RPRD1B: variants seen among roughly 807,000 people sequenced by gnomAD.
RPRD1B encodes the protein regulation of nuclear pre-mRNA domain containing 1B, also known as regulation of nuclear pre-mRNA domain-containing protein 1B.
A neutral mutation model predicts 41.5 loss-of-function variants in RPRD1B; 11 were observed. The observed-to-expected ratio is 0.27, with a 90% CI of 0.17 to 0.44. RPRD1B has a LOEUF of 0.44. RPRD1B is among the 20% of genes least tolerant of loss of function. The pLI is 1.00. For missense variants in RPRD1B, 248 were observed against 389.9 expected, an observed-to-expected ratio of 0.64 and a Z score of 3.06; for synonymous variants, 158 against 155.6, an observed-to-expected ratio of 1.02 and a Z score of -0.12.
intron 5 of RPRD1B, among the ~76,000 whole-genome samples, chr20:38,063,087 C>T (rs2074316791): frequency 6.6e-6 from 1 of 152,072 alleles, no homozygotes; most frequent in African/African-American, 2.4e-5. Flanking sequence ...GGGCTCCTTG[C>T]CAGTCACTCT....
chr20:38,065,287 GT>G (rs1347142618), intron 5 of RPRD1B, among the ~76,000 whole-genome samples: 1 of 151,996 alleles, frequency 6.6e-6, no homozygotes, highest in East Asian at 1.9e-4. Flanking sequence ...CTGTCATGTA[GT>G]TTTTTTTCTG....
chr20:38,034,756 C>T lies in RPRD1B; in HGVS notation c.151+658C>T, dbSNP rs1386592023. ...CTCCTCTCCTCTCTCATGCAGTTGT[C>T]ATTGATTTCAGGCCCTGCTCAGGTT... On this transcript the variant is annotated intron_variant, in intron 1 of 6. Transcript: ENST00000373433. 5.3e-5 allele frequency among the ~76,000 whole-genome samples: 8 copies of T among 152,186 alleles called. No individual in the cohort carries two copies. In the East Asian group the frequency reaches 1.5e-3, roughly 29 times the overall value.
intron 6 of RPRD1B, among the ~76,000 whole-genome samples, chr20:38,067,970 C>T (rs1394770208): frequency 1.3e-5 from 2 of 152,226 alleles, no homozygotes; most frequent in African/African-American, 4.8e-5. Context: ...TGGCAAGCAA[C>T]CATAGAGGAC....
At chr20:38,058,590 T>G (rs575222783) in intron 4 of RPRD1B, among the ~76,000 whole-genome samples, 5 of 152,378 alleles carry the variant, frequency 3.3e-5, no homozygotes, top group African/African-American at 1.2e-4. Context: ...TTTACTTTTC[T>G]TGTTTTTTCC....
Position 38,089,747 on chromosome 20 carries a change from C to T in RPRD1B, c.853C>T (p.Arg285Ter). The T allele has an allele frequency of 6.2e-7, 1 of 1,614,058 alleles. No homozygotes were observed. Among genetic ancestry groups the T allele is most frequent in the Non-Finnish European group, 8.5e-7 (1 of 1,179,978 alleles). Reference protein sequence around the residue: ...KLEEYKQKLARVTQVRKELKS... With the variant: ...KLEEYKQKLA ...TTAGGAATACAAACAGAAGCTTGCA[C>T]GAGTAACCCAGGTCCGCAAGGAACT... The change falls in exon 7 of 7, where the codon CGA becomes TGA. Residue 285 changes from arginine (R) to a stop codon, truncating the protein, a stop_gained. Coordinates refer to ENST00000373433, the MANE Select transcript of RPRD1B (RefSeq NM_021215.4). LOFTEE classifies it high-confidence loss of function.
chr20:38,090,256 G>C lies in RPRD1B; in HGVS notation c.*381G>C. Reference sequence around the variant, plus strand: ...ATGACAGCATTTTATCATGAAAGCAGCTTCTCCTTTCTGGGCTGGGCTTGT... The same window carrying C: ...ATGACAGCATTTTATCATGAAAGCACCTTCTCCTTTCTGGGCTGGGCTTGT... On this transcript the variant is annotated 3_prime_UTR_variant, in exon 7 of 7. Coordinates refer to ENST00000373433, the MANE Select transcript of RPRD1B (RefSeq NM_021215.4). 1.0e-6 allele frequency: 1 copy of C among 991,930 alleles called. No homozygotes were observed. The highest frequency in any genetic ancestry group is 4.6e-5 in the South Asian group (1 of 21,642). 61.4% of individuals were successfully genotyped at this position (991,930 alleles called of 1,614,324 possible).
intron 6 of RPRD1B, among the ~76,000 whole-genome samples, chr20:38,067,060 G>A (rs2074365196): frequency 6.6e-6 from 1 of 152,156 alleles, no homozygotes; most frequent in African/African-American, 2.4e-5. Flanking sequence ...TATTTATATA[G>A]CACAGTTCTC....
At chr20:38,062,240 G>A (rs2122729874) in intron 5 of RPRD1B, among the ~76,000 whole-genome samples, 1 of 152,206 alleles carries the variant, frequency 6.6e-6, no homozygotes, top group African/African-American at 2.4e-5. Context: ...TGTCTTTTCA[G>A]CCTCCTTGCT....
At chr20:38,063,170 T>C (rs1034985761) in intron 5 of RPRD1B, among the ~76,000 whole-genome samples, 35 of 152,044 alleles carry the variant, frequency 2.3e-4, no homozygotes, top group African/African-American at 8.2e-4. Flanking sequence ...CATAGCTGGT[T>C]CTCATTTTCT....
chr20:38,082,293 T>G (rs555092028), intron 6 of RPRD1B, among the ~76,000 whole-genome samples: 4 of 152,326 alleles, frequency 2.6e-5, no homozygotes, highest in South Asian at 2.1e-4. Context: ...TCTCGGGAGA[T>G]TCCGTGTTTC....
At chr20:38,040,126 A>G (rs1185574032) in intron 1 of RPRD1B, among the ~76,000 whole-genome samples, 4 of 152,228 alleles carry the variant, frequency 2.6e-5, no homozygotes, top group African/African-American at 9.6e-5. Context: ...CCTAGTTTCA[A>G]CATTAACACT....
chr20:38,043,727 G>A (rs1312385842), intron 2 of RPRD1B, among the ~76,000 whole-genome samples: 2 of 152,174 alleles, frequency 1.3e-5, no homozygotes, highest in Non-Finnish European at 2.9e-5. Flanking sequence ...GGCGTTGAGT[G>A]GGAGCTGGTA....
Position 38,062,827 on chromosome 20 carries a change from A to AG in RPRD1B, c.656-3253dup, listed in dbSNP as rs1450141634. Among the ~76,000 whole-genome samples the AG allele has an allele frequency of 1.9e-4, 8 of 42,508 alleles. 1 individual carries two copies. The highest frequency in any genetic ancestry group is 8.9e-4 in the African/African-American group (7 of 7,852). 27.9% of individuals were successfully genotyped at this position (42,508 alleles called of 152,430 possible). A position where few individuals can be genotyped will look rare whatever the true frequency, so the allele number is the denominator to read the frequency against. ...CCCCCATCACCAAATTAAAAGCCAG[A>AG]GCCCCCCCCCCTTTTTTTTTTTTTT... is the stretch of plus-strand genomic sequence containing the variant. On this transcript the variant is annotated intron_variant, in intron 5 of 6. Coordinates refer to ENST00000373433, the MANE Select transcript of RPRD1B (RefSeq NM_021215.4).
chr20:38,033,827 A>C lies in RPRD1B; in HGVS notation c.-121A>C, dbSNP rs1600668983. On this transcript the variant is annotated 5_prime_UTR_variant, in exon 1 of 7. Coordinates refer to ENST00000373433, the MANE Select transcript of RPRD1B (RefSeq NM_021215.4). Reference sequence around the variant, plus strand: ...CCCTCCCCCTTCTCGCACCCCTGGCAGTCTGTCAGTCGGTAAAAAGTCCCG... The same window carrying C: ...CCCTCCCCCTTCTCGCACCCCTGGCCGTCTGTCAGTCGGTAAAAAGTCCCG... The C allele has an allele frequency of 2.0e-6, 2 of 982,844 alleles. No individual in the cohort carries two copies. The highest frequency in any genetic ancestry group is 2.8e-5 in the East Asian group (1 of 36,236). The allele number at this position is 982,844 out of a possible 1,614,324, so 60.9% of individuals were successfully genotyped here.
chr20:38,068,162 G>A (rs978037804), intron 6 of RPRD1B, among the ~76,000 whole-genome samples: 2 of 152,178 alleles, frequency 1.3e-5, no homozygotes, highest in African/African-American at 4.8e-5. Context: ...CTTTGGATGC[G>A]TTCTGTAACT....
At chr20:38,073,143 A>T (rs1216573656) in intron 6 of RPRD1B, among the ~76,000 whole-genome samples, 2 of 152,266 alleles carry the variant, frequency 1.3e-5, no homozygotes, top group Non-Finnish European at 2.9e-5. Context: ...ACAGAATAGT[A>T]GCCAAAGTTT....
intron 6 of RPRD1B, among the ~76,000 whole-genome samples, chr20:38,072,729 G>A (rs1248438492): frequency 6.6e-6 from 1 of 152,142 alleles, no homozygotes; most frequent in Non-Finnish European, 1.5e-5. Context: ...ATTTACTGAT[G>A]CATTTGATAT....
In RPRD1B at chr20:38,089,988, C is replaced by T. The variant is rs923738755; in HGVS notation, c.*113C>T. On this transcript the variant is annotated 3_prime_UTR_variant, in exon 7 of 7. Coordinates refer to ENST00000373433, the MANE Select transcript of RPRD1B (RefSeq NM_021215.4). ...CTATCCCTTCTTCCGCCCAGCCCCC[C>T]AGCCTCAAGAAAGAACCTCAGACTC... 1.4e-5 allele frequency: 21 copies of T among 1,486,234 alleles called. No homozygotes were observed. In the South Asian group the frequency reaches 2.8e-4, roughly 20 times the overall value. 92.1% of individuals were successfully genotyped at this position (1,486,234 alleles called of 1,614,324 possible).
At chr20:38,055,451 T>G (rs2074229983) in intron 3 of RPRD1B, among the ~76,000 whole-genome samples, 1 of 136,484 alleles carries the variant, frequency 7.3e-6, no homozygotes. Flanking sequence ...TAGCATGCAG[T>G]TTTTTTTTTT....
Sources: allele counts gnomAD v4.1 joint callset (sites outside exome capture counted in the v4.1 genomes callset), GRCh38; gene constraint gnomAD v4.1.1; transcripts MANE v1.5; gene names NCBI Gene and HGNC (gene_info 2026-07-23, HGNC 2026-07-21).